Variants in ADGRA3 observed in about 807,000 individuals in gnomAD.
The protein encoded by ADGRA3 is adhesion G protein-coupled receptor A3, also known as G-protein coupled receptor 125.
Under a neutral mutation model 119.8 loss-of-function variants are expected in ADGRA3, and 56 were observed. The ratio of observed to expected loss-of-function variants is 0.47; its 90% CI spans 0.38 to 0.58. The LOEUF is 0.58. Ranked by LOEUF, ADGRA3 falls within the 20% of genes least tolerant of loss-of-function variation. ADGRA3 has a pLI of 0.00. For missense variants in ADGRA3, 1,516 were observed against 1,649.0 expected, an observed-to-expected ratio of 0.92 and a Z score of 1.40; for synonymous variants, 607 against 623.8, an observed-to-expected ratio of 0.97 and a Z score of 0.40.
At chr4:22,427,637 T>A (rs866050229) in intron 10 of ADGRA3, among the ~76,000 whole-genome samples, 10 of 152,206 alleles carry the variant, frequency 6.6e-5, no homozygotes, top group Non-Finnish European at 1.5e-5. Flanking sequence ...TATATGCTTC[T>A]GTAGCTTGGT....
At chr4:22,505,380 G>A (rs1331452954) in intron 1 of ADGRA3, among the ~76,000 whole-genome samples, 1 of 152,156 alleles carries the variant, frequency 6.6e-6, no homozygotes, top group Non-Finnish European at 1.5e-5. Context: ...ATTCTGGCCA[G>A]GCACTGTGGC....
chr4:22,476,287 A>C (rs1210361226), intron 1 of ADGRA3, among the ~76,000 whole-genome samples: 1 of 152,068 alleles, frequency 6.6e-6, no homozygotes, highest in Non-Finnish European at 1.5e-5. Flanking sequence ...AGCTATCCCA[A>C]ACAGTATCCA....
At chr4:22,414,350 G>C (rs1255644577) in intron 12 of ADGRA3, 2 of 365,758 alleles carry the variant, frequency 5.5e-6, no homozygotes, top group Non-Finnish European at 9.8e-6. Flanking sequence ...TTGAGACTAG[G>C]AAACACATTT....
chr4:22,423,414 G>A (rs1037695825), intron 11 of ADGRA3, among the ~76,000 whole-genome samples: 3 of 152,090 alleles, frequency 2.0e-5, no homozygotes, highest in Non-Finnish European at 2.9e-5. Context: ...AGGAAGTGTA[G>A]AATATTCTAC....
chr4:22,394,865 G>A (rs1277260417), intron 16 of ADGRA3: 1 of 152,138 alleles, frequency 6.6e-6, no homozygotes. Context: ...GGGGTATGAT[G>A]ACATCTGCTA....
At chr4:22,461,147 G>T (rs915844719) in intron 3 of ADGRA3, among the ~76,000 whole-genome samples, 1 of 152,174 alleles carries the variant, frequency 6.6e-6, no homozygotes, top group African/African-American at 2.4e-5. Context: ...AGTTTGAATG[G>T]ATTCATAATT....
intron 1 of ADGRA3, among the ~76,000 whole-genome samples, chr4:22,508,501 A>G (rs1485291464): frequency 6.6e-6 from 1 of 152,238 alleles, no homozygotes; most frequent in Non-Finnish European, 1.5e-5. Flanking sequence ...CCATGGAAAA[A>G]GTAATCTGTG....
chr4:22,398,200 T>C, intron 16 of ADGRA3: 2 of 895,574 alleles, frequency 2.2e-6, no homozygotes, highest in Non-Finnish European at 2.7e-6. Context: ...AATATAATAG[T>C]GGTAACAGGT....
chr4:22,389,050 C>T, intron 18 of ADGRA3, 38 bp downstream of exon 18: 1 of 1,600,032 alleles, frequency 6.2e-7, no homozygotes, highest in Non-Finnish European at 8.5e-7. Context: ...AAAAGAGAAA[C>T]AACTGGGTCA....
chr4:22,443,264 A>G lies in ADGRA3; in HGVS notation c.707-401T>C. On this transcript the variant is annotated intron_variant, in intron 6 of 18. Transcript: ENST00000334304. The stretch of plus-strand genomic sequence containing the variant: ...TACAACACGAGTTTTTGGCTGTAAA[A>G]CTAATGCATGTTCACTCCAGAAAAA... 4.1e-6 allele frequency: 2 copies of G among 491,328 alleles called. 1 individual carries two copies. Among genetic ancestry groups the G allele is most frequent in the Non-Finnish European group, 7.1e-6 (2 of 281,134 alleles). 30.4% of individuals were successfully genotyped at this position (491,328 alleles called of 1,614,324 possible). A position where few individuals can be genotyped will look rare whatever the true frequency, so the allele number is the denominator to read the frequency against.
chr4:22,514,465 C>T (rs993719506), intron 1 of ADGRA3: 1 of 152,134 alleles, frequency 6.6e-6, no homozygotes, highest in African/African-American at 2.4e-5. Flanking sequence ...CCTGGCCTAC[C>T]TGTGTATACT....
intron 9 of ADGRA3, 86 bp from the exon 10 acceptor site, chr4:22,435,552 A>G (rs1249943379): frequency 2.5e-6 from 3 of 1,199,112 alleles, no homozygotes; most frequent in Non-Finnish European, 3.5e-6. Flanking sequence ...TTGCATTTCA[A>G]AACAGCAACG....
chr4:22,388,587 G>A lies in ADGRA3; in HGVS notation c.3084C>T (p.Ser1028=), dbSNP rs747649391. The A allele has an allele frequency of 3.1e-6, 5 of 1,614,032 alleles. No individual in the cohort carries two copies. The South Asian group carries it at 5.5e-5, about 18-fold the overall frequency. Residue 1028 remains serine, a synonymous_variant, in exon 19 of 19, where the codon AGC becomes AGT. Transcript: ENST00000334304. Reference sequence around the variant, plus strand: ...TTAAACTTGTGGCTCCAAAAACGAAGCTAAAAACCAAGTCCAAAGGGTAAT... The same window carrying A: ...TTAAACTTGTGGCTCCAAAAACGAAACTAAAAACCAAGTCCAAAGGGTAAT... ...SLYYPLDLVF[S]FVFGATSLSF...
intron 1 of ADGRA3, among the ~76,000 whole-genome samples, chr4:22,483,957 C>G (rs998319022): frequency 1.3e-4 from 19 of 151,234 alleles, no homozygotes; most frequent in African/African-American, 4.6e-4. Flanking sequence ...ATAAGAAAAA[C>G]AGTTAAACTT....
rs117451133 is a variant in ADGRA3, at chr4:22,397,981, A to G, written c.2481+3450T>C. ...ACAGAATCTCCGAAACAGTAACAAT[A>G]AAGTGAGACCTGCAAGGTAAGTGGG... On this transcript the variant is annotated intron_variant, in intron 16 of 18. Transcript: ENST00000334304. The G allele has an allele frequency of 3.4e-3, 2,157 of 631,636 alleles. 70 individuals carry two copies. The South Asian group carries it at 0.055, about 16-fold the overall frequency. The allele number at this position is 631,636 out of a possible 1,614,324, so 39.1% of individuals were successfully genotyped here.
At chr4:22,452,847 CA>C (rs1212978923) in intron 4 of ADGRA3, among the ~76,000 whole-genome samples, 1 of 152,048 alleles carries the variant, frequency 6.6e-6, no homozygotes, top group African/African-American at 2.4e-5. Context: ...TGTCCAAAAA[CA>C]TAACAAAAGC....
At chr4:22,397,083 C>G (rs150883666) in intron 16 of ADGRA3, among the ~76,000 whole-genome samples, 3,362 of 151,556 alleles carry the variant, frequency 0.022, 41 homozygotes, top group Middle Eastern at 0.085. Context: ...TCTTTTTGTT[C>G]ATTCACCCAG....
chr4:22,394,576 C>T (rs1490264616), intron 16 of ADGRA3: 1 of 152,084 alleles, frequency 6.6e-6, no homozygotes, highest in Non-Finnish European at 1.5e-5. Context: ...CCAATAAATT[C>T]AAAACAAATC....
At position 22,413,269 on chromosome 4, in the gene ADGRA3, C is replaced by G; in HGVS notation, c.2145G>C (p.Trp715Cys). The change falls in exon 14 of 19, where the codon TGG becomes TGC. Residue 715 changes from tryptophan to cysteine, a missense_variant. Physicochemically the swap from Trp to Cys is radical, Grantham distance 215 (BLOSUM62 -2). This residue lies in a region of ADGRA3 where 1,088 missense variants were observed against 1,107.1 expected (regional missense o/e 0.98). Transcript: ENST00000334304. ...AGAGTATATGGCACCCATCTGACTT[C>G]CAGCCTCCTTGTCCGTTCAGCAAAT... is the stretch of plus-strand genomic sequence containing the variant. ...DFDLLNGQGG[W>C]KSDGCHILYS... The G allele has an allele frequency of 6.2e-7, 1 of 1,614,122 alleles. No homozygotes were observed.
Sources: allele counts gnomAD v4.1 joint callset (sites outside exome capture counted in the v4.1 genomes callset), GRCh38; gene constraint gnomAD v4.1.1; regional missense constraint gnomAD v4.1.1; transcripts MANE v1.5; gene names NCBI Gene and HGNC (gene_info 2026-07-23, HGNC 2026-07-21).